The following PDE4D variants were observed in gnomAD, a reference collection of about 807,000 sequenced individuals.
PDE4D encodes the protein phosphodiesterase 4D, also known as 3',5'-cyclic-AMP phosphodiesterase 4D.
Under a neutral mutation model 87.4 loss-of-function variants are expected in PDE4D, and 24 were observed. The observed-to-expected ratio is 0.27, with a 90% CI of 0.20 to 0.39. The LOEUF is 0.39. Ranked by LOEUF, PDE4D falls within the 10% of genes least tolerant of loss-of-function variation. The probability of loss-of-function intolerance (pLI) is 1.00; values close to 1 mark genes in which losing one functional copy is unlikely to be tolerated. For synonymous variants in PDE4D, 384 were observed against 383.2 expected (o/e 1.00, Z -0.02); for missense variants, 714 against 1,041.0 (o/e 0.69, Z 4.32).
intron 1 of PDE4D, among the ~76,000 whole-genome samples, chr5:60,500,511 G>C (rs1041888973): frequency 1.3e-5 from 2 of 152,164 alleles, no homozygotes; most frequent in Non-Finnish European, 2.9e-5. Flanking sequence ...GTAAATAGAT[G>C]TTAAGTAATT....
At chr5:60,314,922 T>C (rs1318942179) in intron 1 of PDE4D, among the ~76,000 whole-genome samples, 2 of 152,196 alleles carry the variant, frequency 1.3e-5, no homozygotes, top group African/African-American at 4.8e-5. Flanking sequence ...GTCTTTGCTA[T>C]TGTGAATAGT....
intron 6 of PDE4D, among the ~76,000 whole-genome samples, chr5:59,019,955 A>C (rs1003153281): frequency 2.0e-5 from 3 of 152,124 alleles, no homozygotes; most frequent in Non-Finnish European, 4.4e-5. Context: ...TTTCACCTAT[A>C]AGAACCTCTG....
At chr5:60,420,508 G>A (rs1327544737) in intron 1 of PDE4D, among the ~76,000 whole-genome samples, 1 of 152,118 alleles carries the variant, frequency 6.6e-6, no homozygotes, top group Admixed American at 6.5e-5. Flanking sequence ...ACAATCCAGA[G>A]GCATGATAAC....
At chr5:59,741,186 T>C (rs1758779485) in intron 1 of PDE4D, among the ~76,000 whole-genome samples, 1 of 152,206 alleles carries the variant, frequency 6.6e-6, no homozygotes, top group South Asian at 2.1e-4. Context: ...TTTGTGTCTA[T>C]GTCCCACATT....
intron 5 of PDE4D, among the ~76,000 whole-genome samples, chr5:59,092,921 C>G (rs1169618797): frequency 6.6e-6 from 1 of 152,160 alleles, no homozygotes. Flanking sequence ...AGCTATCGTT[C>G]CCCTGGATTT....
rs574206609 is a variant in PDE4D, at chr5:60,010,500, A to G, written c.43-21783T>C. Among the ~76,000 whole-genome samples, 3 of 152,290 alleles carry G rather than the reference A, an allele frequency of 2.0e-5. No homozygotes were observed. In the South Asian group the frequency reaches 6.2e-4, roughly 32 times the overall value. ...ACAAAGTAAAAATCAGTCAAATGCAAATACACAAAAAAGTTTATCACTCCC... is the reference window on the plus strand; with the variant it reads ...ACAAAGTAAAAATCAGTCAAATGCAGATACACAAAAAAGTTTATCACTCCC... On this transcript the variant is annotated intron_variant, in intron 2 of 16. Coordinates refer to the PDE4D transcript ENST00000502484.
chr5:59,802,434 T>G (rs1030939019), intron 1 of PDE4D, among the ~76,000 whole-genome samples: 3 of 147,108 alleles, frequency 2.0e-5, no homozygotes, highest in Non-Finnish European at 4.5e-5. Flanking sequence ...AGTCTCACTC[T>G]GTTGCCCAGG....
At chr5:59,165,322 G>A (rs1781759121) in intron 5 of PDE4D, among the ~76,000 whole-genome samples, 1 of 152,014 alleles carries the variant, frequency 6.6e-6, no homozygotes, top group Admixed American at 6.6e-5. Context: ...TATCCAGGCT[G>A]GAGTGCAGTG....
intron 1 of PDE4D, among the ~76,000 whole-genome samples, chr5:60,295,402 C>T (rs1164897205): frequency 6.6e-6 from 1 of 152,188 alleles, no homozygotes; most frequent in Non-Finnish European, 1.5e-5. Flanking sequence ...GATTTGAGAA[C>T]AGTCATTACT....
chr5:60,401,524 G>C (rs955434393), intron 1 of PDE4D, among the ~76,000 whole-genome samples: 1 of 152,114 alleles, frequency 6.6e-6, no homozygotes, highest in Admixed American at 6.5e-5. Flanking sequence ...TCCCTCTCAC[G>C]GCAAGCCCAC....
Position 59,176,210 on chromosome 5 carries a change from G to A in PDE4D, c.808+4385C>T, listed in dbSNP as rs374355500. On this transcript the variant is annotated intron_variant, in intron 5 of 14. Coordinates refer to ENST00000340635, the MANE Select transcript of PDE4D (RefSeq NM_001104631.2). ...CCTACTATATATTGAAATAAAAACT[G>A]GCCAGTGACCTACCTTTAAAACCTA... Among the ~76,000 whole-genome samples the A allele has an allele frequency of 5.0e-3, 760 of 151,950 alleles. 4 individuals carry two copies. The highest frequency in any genetic ancestry group is 0.017 in the African/African-American group (711 of 41,422).
chr5:60,311,907 T>A (rs111518837), intron 1 of PDE4D, among the ~76,000 whole-genome samples: 5,049 of 152,240 alleles, frequency 0.033, 125 homozygotes, highest in Middle Eastern at 0.082. Context: ...TATTATAATT[T>A]CAGACAAAAT....
chr5:60,512,497 A>T (rs1750622280), intron 1 of PDE4D, among the ~76,000 whole-genome samples: 1 of 152,114 alleles, frequency 6.6e-6, no homozygotes, highest in African/African-American at 2.4e-5. Context: ...AAATCCCATT[A>T]AAAAAAGAAG....
rs199695098 is a variant in PDE4D at position 60,101,999 on chromosome 5, C to A, written c.42+83558G>T. ...ATTCTTTAAAATATACATAGTCAGT[C>A]CAAGAAAATCGGGAGACCTCAATTG... On this transcript the variant is annotated intron_variant, in intron 2 of 16. Coordinates refer to the PDE4D transcript ENST00000502484. Among the ~76,000 whole-genome samples, 5 of 152,218 alleles carry A rather than the reference C, an allele frequency of 3.3e-5. No individual in the cohort carries two copies. The East Asian group carries it at 9.7e-4, about 29-fold the overall frequency.
intron 2 of PDE4D, among the ~76,000 whole-genome samples, chr5:60,140,675 T>G (rs1233041035): frequency 6.6e-6 from 1 of 151,958 alleles, no homozygotes; most frequent in East Asian, 1.9e-4. Context: ...TAACGCATCA[T>G]GAAATTCCAT....
At chr5:59,335,917 C>T (rs7735133) in intron 1 of PDE4D, among the ~76,000 whole-genome samples, 10,500 of 151,904 alleles carry the variant, frequency 0.069, 1,042 homozygotes, top group African/African-American at 0.21. Context: ...TGTAATTTTG[C>T]AAAAAATGAT....
chr5:59,080,003 T>C (rs1272934225), intron 5 of PDE4D, among the ~76,000 whole-genome samples: 3 of 151,844 alleles, frequency 2.0e-5, no homozygotes, highest in African/African-American at 7.3e-5. Flanking sequence ...TAGTACAACT[T>C]AAAACTCAGC....
intron 1 of PDE4D, among the ~76,000 whole-genome samples, chr5:59,406,477 G>A (rs896286391): frequency 1.5e-5 from 2 of 131,254 alleles, no homozygotes; most frequent in Non-Finnish European, 3.1e-5. Context: ...TGCAACCTCC[G>A]CCTCCCAGGT....
intron 1 of PDE4D, among the ~76,000 whole-genome samples, chr5:60,360,853 C>A (rs759422584): frequency 2.3e-4 from 35 of 152,204 alleles, no homozygotes; most frequent in Admixed American, 2.3e-3. Context: ...GAATGGTGAG[C>A]TTCACAACGC....
Sources: allele counts gnomAD v4.1 joint callset (sites outside exome capture counted in the v4.1 genomes callset), GRCh38; gene constraint gnomAD v4.1.1; transcripts MANE v1.5; gene names NCBI Gene and HGNC (gene_info 2026-07-23, HGNC 2026-07-21).